Variants in CORO1C observed in about 807,000 individuals in gnomAD.
The protein encoded by CORO1C is coronin 1C, also known as coronin-1C.
In CORO1C, 14 loss-of-function variants were observed where a neutral mutation model predicts 51.2. That is an observed-to-expected ratio of 0.27 (90% CI 0.18 to 0.43). CORO1C has a LOEUF of 0.43. CORO1C is among the 20% of genes least tolerant of loss of function. CORO1C has a pLI of 1.00. For missense variants in CORO1C, 417 were observed against 607.8 expected, an observed-to-expected ratio of 0.69 and a Z score of 3.30; for synonymous variants, 181 against 210.5, an observed-to-expected ratio of 0.86 and a Z score of 1.21.
intron 4 of CORO1C, among the ~76,000 whole-genome samples, chr12:108,661,755 C>T (rs1018024314): frequency 1.3e-5 from 2 of 152,066 alleles, no homozygotes; most frequent in South Asian, 2.1e-4. Context: ...TCATGGAGGG[C>T]CCTGGCAGGA....
intron 2 of CORO1C, among the ~76,000 whole-genome samples, chr12:108,684,921 T>C (rs979608630): frequency 6.6e-6 from 1 of 152,198 alleles, no homozygotes; most frequent in Admixed American, 6.5e-5. Context: ...TGAATTGTTT[T>C]GTTTTACATC....
At chr12:108,654,771 C>T (rs2032859360) in intron 6 of CORO1C, among the ~76,000 whole-genome samples, 1 of 151,568 alleles carries the variant, frequency 6.6e-6, no homozygotes. Flanking sequence ...AGTGCTATCT[C>T]GGCTCACTGC....
intron 3 of CORO1C, among the ~76,000 whole-genome samples, chr12:108,670,090 C>T (rs939330405): frequency 1.3e-5 from 2 of 152,098 alleles, no homozygotes; most frequent in African/African-American, 4.8e-5. Flanking sequence ...CGAAGTCCCT[C>T]CGTAAAAAGA....
intron 2 of CORO1C, among the ~76,000 whole-genome samples, chr12:108,693,372 CTCATT>C (rs2034563678): frequency 1.3e-5 from 2 of 152,180 alleles, no homozygotes; most frequent in Admixed American, 1.3e-4. Flanking sequence ...ATTCTGCAGT[CTCATT>C]TCCATCAACG....
At chr12:108,683,492 G>C (rs1161102820) in intron 2 of CORO1C, among the ~76,000 whole-genome samples, 2 of 138,010 alleles carry the variant, frequency 1.4e-5, no homozygotes, top group Non-Finnish European at 3.2e-5. Flanking sequence ...AAACTGGATA[G>C]ATCAGGAAAA....
intron 1 of CORO1C, among the ~76,000 whole-genome samples, chr12:108,717,925 A>G (rs1036407364): frequency 2.6e-5 from 4 of 152,168 alleles, no homozygotes; most frequent in Non-Finnish European, 5.9e-5. Flanking sequence ...GCTATTTGAA[A>G]ATGAAAACTA....
intron 7 of CORO1C, 62 bp from the exon 8 acceptor site, chr12:108,652,479 G>A (rs779748708): frequency 7.8e-6 from 11 of 1,408,064 alleles, no homozygotes; most frequent in Admixed American, 1.7e-5. Flanking sequence ...GATTATGGGG[G>A]TGTCTCTCTC....
At chr12:108,702,659 C>T in intron 1 of CORO1C, 2 of 867,096 alleles carry the variant, frequency 2.3e-6, no homozygotes, top group South Asian at 2.2e-5. Flanking sequence ...CAGAGGAGAG[C>T]TAACACCTGT....
At chr12:108,711,941 A>G (rs940654834) in intron 1 of CORO1C, among the ~76,000 whole-genome samples, 1 of 152,316 alleles carries the variant, frequency 6.6e-6, no homozygotes, top group African/African-American at 2.4e-5. Flanking sequence ...TATGAAAGGA[A>G]ACACATCCTG....
At chr12:108,681,387 C>A (rs2034118483) in intron 2 of CORO1C, among the ~76,000 whole-genome samples, 1 of 152,160 alleles carries the variant, frequency 6.6e-6, no homozygotes, top group African/African-American at 2.4e-5. Flanking sequence ...TAAGTGAAAA[C>A]AAATTCTTAT....
chr12:108,684,871 A>C (rs1183840894), intron 2 of CORO1C, among the ~76,000 whole-genome samples: 2 of 152,168 alleles, frequency 1.3e-5, no homozygotes, highest in Non-Finnish European at 2.9e-5. Context: ...AATTTGCATT[A>C]AAATTTTTTT....
intron 1 of CORO1C, among the ~76,000 whole-genome samples, chr12:108,708,921 T>TA (rs2035105182): frequency 6.7e-6 from 1 of 149,984 alleles, no homozygotes; most frequent in Non-Finnish European, 1.5e-5. Context: ...CCAGGCTAAT[T>TA]TTTTTTTTGG....
At chr12:108,666,321 G>GA (rs1370013955) in intron 3 of CORO1C, among the ~76,000 whole-genome samples, 1 of 152,212 alleles carries the variant, frequency 6.6e-6, no homozygotes, top group Non-Finnish European at 1.5e-5. Flanking sequence ...AATGCGAGAA[G>GA]AAAGTGAGTG....
At chr12:108,666,066 T>G (rs1457968516) in intron 3 of CORO1C, among the ~76,000 whole-genome samples, 1 of 152,212 alleles carries the variant, frequency 6.6e-6, no homozygotes, top group African/African-American at 2.4e-5. Flanking sequence ...CTAACCAAGC[T>G]TGGTCCACCC....
chr12:108,728,588 A>G (rs982433177), intron 1 of CORO1C, among the ~76,000 whole-genome samples: 1 of 152,184 alleles, frequency 6.6e-6, no homozygotes, highest in Non-Finnish European at 1.5e-5. Flanking sequence ...AAACGGGTGA[A>G]CTGTACAGTA....
intron 2 of CORO1C, among the ~76,000 whole-genome samples, chr12:108,684,152 A>T (rs2034219929): frequency 6.6e-6 from 1 of 152,226 alleles, no homozygotes; most frequent in African/African-American, 2.4e-5. Flanking sequence ...CAGAGAACTC[A>T]CAGCGAAGAA....
At chr12:108,709,369 T>A (rs1309005335) in intron 1 of CORO1C, among the ~76,000 whole-genome samples, 1 of 152,186 alleles carries the variant, frequency 6.6e-6, no homozygotes. Flanking sequence ...AGAATTTTCA[T>A]ATAAAAGAAC....
intron 2 of CORO1C, among the ~76,000 whole-genome samples, chr12:108,686,137 T>C (rs2034286673): frequency 6.6e-6 from 1 of 152,192 alleles, no homozygotes; most frequent in African/African-American, 2.4e-5. Flanking sequence ...GAAAGACATT[T>C]TGCACTAGGA....
intron 1 of CORO1C, 156 bp from the exon 2 acceptor site, chr12:108,701,479 C>T: frequency 8.7e-7 from 1 of 1,152,438 alleles, no homozygotes; most frequent in South Asian, 1.6e-5. Context: ...TTTCTTTTAG[C>T]AGCACATACC....
Sources: allele counts gnomAD v4.1 joint callset (sites outside exome capture counted in the v4.1 genomes callset), GRCh38; gene constraint gnomAD v4.1.1; transcripts MANE v1.5; gene names NCBI Gene and HGNC (gene_info 2026-07-23, HGNC 2026-07-21).